The following OSBP2 variants were observed in gnomAD, a reference collection of about 807,000 sequenced individuals.
OSBP2 encodes the protein oxysterol-binding protein 2.
Under a neutral mutation model 96.0 loss-of-function variants are expected in OSBP2, and 66 were observed. The observed-to-expected ratio is 0.69, with a 90% CI of 0.56 to 0.84. The LOEUF is 0.84. OSBP2 is among the 40% of genes least tolerant of loss of function. OSBP2 has a pLI of 0.00. For synonymous variants in OSBP2, 525 were observed against 520.9 expected (o/e 1.01, Z -0.11); for missense variants, 1,038 against 1,222.7 (o/e 0.85, Z 2.25).
intron 1 of OSBP2, among the ~76,000 whole-genome samples, chr22:30,717,090 T>TTTGTGTGTGTG (rs71328866): frequency 2.5e-5 from 3 of 118,320 alleles, no homozygotes; most frequent in African/African-American, 6.4e-5. Context: ...TTTACTGTTT[T>TTTGTGTGTGTG]TGTGTGTGTG....
At chr22:30,718,728 C>A (rs2089500086) in intron 1 of OSBP2, among the ~76,000 whole-genome samples, 1 of 152,198 alleles carries the variant, frequency 6.6e-6, no homozygotes, top group Non-Finnish European at 1.5e-5. Context: ...GTGACAACAT[C>A]CGGGTGCTTG....
intron 2 of OSBP2, among the ~76,000 whole-genome samples, chr22:30,747,006 G>A (rs553870568): frequency 6.6e-6 from 1 of 152,186 alleles, no homozygotes; most frequent in South Asian, 2.1e-4. Context: ...TGGAAGGGTA[G>A]TTCAACAACA....
At chr22:30,734,365 C>T (rs558979200) in intron 1 of OSBP2, among the ~76,000 whole-genome samples, 1 of 152,272 alleles carries the variant, frequency 6.6e-6, no homozygotes, top group East Asian at 1.9e-4. Context: ...TCAGTGAGAC[C>T]AGATGGTTCT....
chr22:30,893,715 C>T lies in OSBP2; in HGVS notation c.2172C>T (p.Ser724=). 1.2e-6 allele frequency: 2 copies of T among 1,614,118 alleles called. No individual in the cohort carries two copies. The highest frequency in any genetic ancestry group is 1.1e-5 in the South Asian group (1 of 91,082). ...AGTTCCTGCCCTACAGCTACTTCTC[C>T]AAAGAGGCAGCCCGGAAGGTAAGCA... ...QLKFLPYSYF[S]KEAARKVTGV... The change falls in exon 11 of 14, where the codon TCC becomes TCT. Residue 724 remains serine, a synonymous_variant. Transcript: ENST00000332585.
intron 2 of OSBP2, among the ~76,000 whole-genome samples, chr22:30,862,742 G>T (rs551274475): frequency 2.0e-5 from 3 of 151,992 alleles, no homozygotes; most frequent in Non-Finnish European, 4.4e-5. Context: ...GGGAGGCTAA[G>T]GTGGGTGGAT....
At chr22:30,801,804 T>A (rs136268) in intron 2 of OSBP2, among the ~76,000 whole-genome samples, 28,971 of 151,946 alleles carry the variant, frequency 0.19, 2,846 homozygotes, top group Middle Eastern at 0.24. Flanking sequence ...CAAGACCCCA[T>A]TTCAACAACA....
rs565490616 is a variant in OSBP2 at position 30,884,013 on chromosome 22, A to G, written c.1108-3413A>G. Among the ~76,000 whole-genome samples the G allele has an allele frequency of 5.9e-5, 9 of 152,300 alleles. No individual in the cohort carries two copies. The East Asian group carries it at 1.5e-3, about 26-fold the overall frequency. ...TCACAAGCCAGGGAGCAGTGGAGTC[A>G]GGCCTGGAGCTGCGTCTCCCAGGAC... On this transcript the variant is annotated intron_variant, in intron 3 of 13. Coordinates refer to ENST00000332585, the MANE Select transcript of OSBP2 (RefSeq NM_030758.4).
At position 30,812,502 on chromosome 22, in the gene OSBP2, A is replaced by G. The variant is rs184483211; in HGVS notation, c.854-57927A>G. 6.6e-5 allele frequency among the ~76,000 whole-genome samples: 10 copies of G among 152,328 alleles called. No homozygotes were observed. In the East Asian group the frequency reaches 1.7e-3, roughly 26 times the overall value. On this transcript the variant is annotated intron_variant, in intron 2 of 13. Coordinates refer to ENST00000332585, the MANE Select transcript of OSBP2 (RefSeq NM_030758.4). ...AGAACAGCATAGAATTCCATAGTGT[A>G]TTATAATGTATTTAATCATTTTCCT...
intron 3 of OSBP2, among the ~76,000 whole-genome samples, chr22:30,877,975 C>T (rs1216490205): frequency 3.3e-5 from 5 of 152,202 alleles, no homozygotes; most frequent in East Asian, 1.9e-4. Context: ...GGGATGTCAG[C>T]GGCAAAAGGA....
rs1320821363 is a variant in OSBP2, at chr22:30,827,812, C to T, written c.854-42617C>T. On this transcript the variant is annotated intron_variant, in intron 2 of 13. Transcript: ENST00000332585. ...CTTGGAATAAGGGGAAAGTGGGAAG[C>T]CCGTGGCCCACGGAAGGGTGCTTAA... Among the ~76,000 whole-genome samples the T allele has an allele frequency of 3.9e-5, 6 of 152,248 alleles. No homozygotes were observed. The East Asian group carries it at 9.7e-4, about 24-fold the overall frequency.
At chr22:30,834,104 C>G (rs902793491) in intron 2 of OSBP2, among the ~76,000 whole-genome samples, 1 of 152,116 alleles carries the variant, frequency 6.6e-6, no homozygotes, top group East Asian at 1.9e-4. Context: ...CGCTGGGGTG[C>G]AGTGGTGTGA....
intron 1 of OSBP2, among the ~76,000 whole-genome samples, chr22:30,698,260 G>A (rs2145661901): frequency 6.6e-6 from 1 of 152,186 alleles, no homozygotes; most frequent in African/African-American, 2.4e-5. Flanking sequence ...GGTGAGATTA[G>A]GGTGCTTGTG....
At chr22:30,866,746 G>GAA (rs34739677) in intron 2 of OSBP2, among the ~76,000 whole-genome samples, 1 of 148,862 alleles carries the variant, frequency 6.7e-6, no homozygotes, top group Non-Finnish European at 1.5e-5. Flanking sequence ...CAAAAAACAG[G>GAA]AAAAAAAAAA....
At chr22:30,790,677 G>A in intron 2 of OSBP2, among the ~76,000 whole-genome samples, 2 of 150,730 alleles carry the variant, frequency 1.3e-5, no homozygotes, top group East Asian at 1.9e-4. Context: ...AAAAGAGGGA[G>A]CATACTTTAT....
At chr22:30,863,242 A>G (rs2147092367) in intron 2 of OSBP2, among the ~76,000 whole-genome samples, 1 of 152,258 alleles carries the variant, frequency 6.6e-6, no homozygotes, top group South Asian at 2.1e-4. Context: ...GGATTTTGTG[A>G]TCAGGCTCAG....
chr22:30,842,701 C>A (rs75800058), intron 2 of OSBP2: 4,556 of 157,186 alleles, frequency 0.029, 97 homozygotes, highest in Non-Finnish European at 0.042. Flanking sequence ...AGAAACCACT[C>A]TGCTCATCCG....
Position 30,905,903 on chromosome 22 carries a change from C to A in OSBP2, c.2442C>A (p.Gly814=), listed in dbSNP as rs757443591. ...LALTLNEHEE[G]VAPTDSRLRP... ...TGACCCTCAACGAGCACGAGGAGGG[C>A]GTAGCGCCAACCGACAGCCGCCTGC... The change falls in exon 13 of 14, where the codon GGC becomes GGA. Residue 814 remains glycine, a synonymous_variant. Transcript: ENST00000332585. 1 of 1,613,024 alleles carries A rather than the reference C, an allele frequency of 6.2e-7. No homozygotes were observed. The highest frequency in any genetic ancestry group is 1.3e-5 in the African/African-American group (1 of 74,930).
At position 30,787,836 on chromosome 22, in the gene OSBP2, A is replaced by G. The variant is rs1204741208; in HGVS notation, c.853+46467A>G. Among the ~76,000 whole-genome samples, 3 of 152,156 alleles carry G rather than the reference A, an allele frequency of 2.0e-5. No homozygotes were observed. The East Asian group carries it at 5.8e-4, about 29-fold the overall frequency. ...ATATCACCACTGGCTCTCGAGTATC[A>G]AAAGAACCTTGGAGGGGTGTTAGCT... On this transcript the variant is annotated intron_variant, in intron 2 of 13. Coordinates refer to ENST00000332585, the MANE Select transcript of OSBP2 (RefSeq NM_030758.4).
chr22:30,839,087 G>A (rs865821711), intron 2 of OSBP2, among the ~76,000 whole-genome samples: 12 of 143,532 alleles, frequency 8.4e-5, no homozygotes, highest in Middle Eastern at 7.2e-3. Context: ...CTATGAGTGA[G>A]AACATGTGGT....
Sources: allele counts gnomAD v4.1 joint callset (sites outside exome capture counted in the v4.1 genomes callset), GRCh38; gene constraint gnomAD v4.1.1; transcripts MANE v1.5; gene names NCBI Gene and HGNC (gene_info 2026-07-23, HGNC 2026-07-21).